Variants in PFKFB1 observed in about 807,000 individuals in gnomAD.
The protein encoded by PFKFB1 is 6-phosphofructo-2-kinase/fructose-2,6-biphosphatase 1.
In PFKFB1, 34 loss-of-function variants were observed where a neutral mutation model predicts 46.4. That is an observed-to-expected ratio of 0.73 (90% CI 0.56 to 0.98). The LOEUF (loss-of-function observed/expected upper bound fraction) is 0.98. Among genes scored for constraint, PFKFB1 ranks in the 50% least tolerant of loss-of-function variants. PFKFB1 has a pLI of 0.00. For missense variants in PFKFB1, 393 were observed against 376.3 expected (o/e 1.04, Z -0.37); for synonymous variants, 119 against 133.8 (o/e 0.89, Z 0.76).
upstream of PFKFB1, among the ~76,000 whole-genome samples, chrX:54,997,703 G>C (rs770398214): frequency 9.0e-6 from 1 of 111,370 alleles, no homozygotes; most frequent in Non-Finnish European, 1.9e-5. Context: ...TGTGACAGCA[G>C]CCTAGGATCC....
At chrX:54,959,710 T>G in intron 4 of PFKFB1, 117 bp downstream of exon 4, 1 of 490,122 alleles carries the variant, frequency 2.0e-6, no homozygotes, top group East Asian at 3.7e-5. Flanking sequence ...AATTAAATTA[T>G]TAATATATGC....
At chrX:54,955,023 T>C (rs186859065) in intron 7 of PFKFB1, among the ~76,000 whole-genome samples, 2 of 112,169 alleles carry the variant, frequency 1.8e-5, no homozygotes, top group Admixed American at 1.9e-4. Context: ...GCCCATATTG[T>C]GCCTTTGTGA....
chrX:54,972,096 A>G (rs1934684198), intron 1 of PFKFB1, among the ~76,000 whole-genome samples: 1 of 110,459 alleles, frequency 9.1e-6, no homozygotes, highest in African/African-American at 3.3e-5. Context: ...TTCTCTTTGA[A>G]GCAATTGTGA....
At chrX:54,969,908 A>C (rs1934594598) in intron 1 of PFKFB1, among the ~76,000 whole-genome samples, 2 of 111,918 alleles carry the variant, frequency 1.8e-5, no homozygotes, top group South Asian at 3.7e-4. Flanking sequence ...TCTATAATTT[A>C]TTTTATGTTT....
Position 54,981,634 on chromosome X carries a change from G to T in PFKFB1, c.97+12277C>A, listed in dbSNP as rs150370132. Among the ~76,000 whole-genome samples, 236 of 111,426 alleles carry T rather than the reference G, an allele frequency of 2.1e-3. 1 individual carries two copies. The highest frequency in any genetic ancestry group is 7.3e-3 in the African/African-American group (223 of 30,683). On this transcript the variant is annotated intron_variant, in intron 1 of 13. Coordinates refer to ENST00000375006, the MANE Select transcript of PFKFB1 (RefSeq NM_002625.4). ...AAAAGAAAGGGCTAAGAGACAAGAA[G>T]AAATGGTGAGCAAGTAAAATGGTAA...
intron 12 of PFKFB1, among the ~76,000 whole-genome samples, 177 bp downstream of exon 12, chrX:54,934,770 C>T (rs1233117309): frequency 8.9e-6 from 1 of 111,740 alleles, no homozygotes; most frequent in Admixed American, 9.4e-5. Context: ...AACCATCCTA[C>T]TCTTTCCCTG....
At chrX:54,956,066 G>C in intron 7 of PFKFB1, 87 bp downstream of exon 7, 1 of 575,380 alleles carries the variant, frequency 1.7e-6, no homozygotes, top group Non-Finnish European at 2.8e-6. Context: ...TTGAGGCCCA[G>C]CAAGGGAGGA....
intron 7 of PFKFB1, among the ~76,000 whole-genome samples, chrX:54,953,561 C>T (rs1427807231): frequency 6.3e-5 from 7 of 111,791 alleles, no homozygotes; most frequent in Non-Finnish European, 1.3e-4. Flanking sequence ...GCCACCTTCT[C>T]GGGAAGAAGA....
chrX:54,960,827 C>T lies in PFKFB1; in HGVS notation c.314G>A (p.Arg105Lys). 4.3e-6 allele frequency: 5 copies of T among 1,167,627 alleles called. No homozygotes were observed. The highest frequency in any genetic ancestry group is 5.8e-6 in the Non-Finnish European group (5 of 859,949). The part of the protein sequence containing the change: ...LPDNMEALQI[R>K]KQCALAALKD... ...TCCTAAAATATTGGGTACTTACTTC[C>T]TGATTTGCAGGGCTTCCATGTTGTC... Residue 105 changes from arginine to lysine, a missense_variant, in exon 3 of 14, where the codon AGG becomes AAG. Transcript: ENST00000375006.
At chrX:54,970,242 A>G (rs1435910192) in intron 1 of PFKFB1, among the ~76,000 whole-genome samples, 2 of 111,749 alleles carry the variant, frequency 1.8e-5, no homozygotes, top group African/African-American at 6.5e-5. Context: ...TCTAGTACCA[A>G]TAAGCAAGTT....
intron 11 of PFKFB1, among the ~76,000 whole-genome samples, chrX:54,937,217 T>C (rs1933433354): frequency 8.9e-6 from 1 of 111,810 alleles, no homozygotes; most frequent in African/African-American, 3.3e-5. Flanking sequence ...TTCACAGAAA[T>C]ACTAGCTCAT....
intron 1 of PFKFB1, among the ~76,000 whole-genome samples, chrX:54,970,350 A>C (rs974267626): frequency 2.7e-5 from 3 of 110,433 alleles, no homozygotes; most frequent in Admixed American, 9.6e-5. Flanking sequence ...TTTTATTATT[A>C]TTATACTTTA....
chrX:54,981,344 G>C (rs1934984790), intron 1 of PFKFB1, among the ~76,000 whole-genome samples: 1 of 111,277 alleles, frequency 9.0e-6, no homozygotes, highest in South Asian at 3.7e-4. Context: ...AAAGATAAAA[G>C]ACAGTTTACC....
At chrX:54,939,025 A>G (rs1172638242) in intron 10 of PFKFB1, among the ~76,000 whole-genome samples, 1 of 111,921 alleles carries the variant, frequency 8.9e-6, no homozygotes, top group Non-Finnish European at 1.9e-5. Flanking sequence ...AAGAACAGAA[A>G]TTATAACAAA....
chrX:54,961,615 C>T (rs1934316886), intron 2 of PFKFB1, among the ~76,000 whole-genome samples: 1 of 111,649 alleles, frequency 9.0e-6, no homozygotes, highest in African/African-American at 3.3e-5. Flanking sequence ...GGGATTAGCC[C>T]GATCTTCATG....
In PFKFB1 at chrX:54,945,140, A is replaced by G. The variant is rs896313136; in HGVS notation, c.1098+299T>C. ...AATCAGAGTATGTTGAACTATTTAA[A>G]GTGTCTTCATGAAGGGATACCAGAG... On this transcript the variant is annotated intron_variant, in intron 10 of 13. Transcript: ENST00000375006. Among the ~76,000 whole-genome samples, 6 of 112,580 alleles carry G rather than the reference A, an allele frequency of 5.3e-5. 1 individual carries two copies. The highest frequency in any genetic ancestry group is 1.9e-4 in the African/African-American group (6 of 30,994).
intron 6 of PFKFB1, among the ~76,000 whole-genome samples, chrX:54,957,496 G>C (rs149219264): frequency 4.8e-4 from 53 of 110,473 alleles, no homozygotes; most frequent in African/African-American, 1.7e-3. Flanking sequence ...GCCAAGACCA[G>C]GTATATAGTC....
chrX:54,973,222 C>T (rs186537548), intron 1 of PFKFB1, among the ~76,000 whole-genome samples: 2 of 110,999 alleles, frequency 1.8e-5, no homozygotes, highest in African/African-American at 6.5e-5. Context: ...CTATTTGCTT[C>T]TTCTCCCTTT....
At chrX:54,986,291 T>C (rs1213974956) in intron 1 of PFKFB1, among the ~76,000 whole-genome samples, 1 of 110,999 alleles carries the variant, frequency 9.0e-6, no homozygotes, top group Non-Finnish European at 1.9e-5. Context: ...ATCTCTATTC[T>C]AAAAAAGAAA....
Sources: allele counts gnomAD v4.1 joint callset (sites outside exome capture counted in the v4.1 genomes callset), GRCh38; gene constraint gnomAD v4.1.1; transcripts MANE v1.5; gene names NCBI Gene and HGNC (gene_info 2026-07-23, HGNC 2026-07-21).